Variants in KIF1B observed in about 807,000 individuals in gnomAD.
KIF1B encodes kinesin-like protein KIF1B.
Under a neutral mutation model 241.9 loss-of-function variants are expected in KIF1B, and 76 were observed. The ratio of observed to expected loss-of-function variants is 0.31; its 90% CI spans 0.26 to 0.38. The LOEUF (loss-of-function observed/expected upper bound fraction) is 0.38, where lower values mean the gene tolerates loss of function less well. KIF1B is among the 10% of genes least tolerant of loss of function. KIF1B has a pLI of 1.00. For synonymous variants in KIF1B, 750 were observed against 796.7 expected, an observed-to-expected ratio of 0.94 and a Z score of 0.99; for missense variants, 1,622 against 2,271.4, an observed-to-expected ratio of 0.71 and a Z score of 5.81.
intron 22 of KIF1B, among the ~76,000 whole-genome samples, chr1:10,315,292 C>G (rs1300903681): frequency 1.3e-5 from 2 of 150,286 alleles, no homozygotes; most frequent in African/African-American, 5.0e-5. Context: ...ATTCTCCCGC[C>G]TCAGCCTCCC....
chr1:10,324,745 G>A lies in KIF1B; in HGVS notation c.2538-13G>A. 1 of 1,613,274 alleles carries A rather than the reference G, an allele frequency of 6.2e-7. No homozygotes were observed. The highest frequency in any genetic ancestry group is 2.2e-5 in the East Asian group (1 of 44,854). On this transcript the variant is annotated splice_polypyrimidine_tract_variant and intron_variant, in intron 25 of 48. Transcript: ENST00000676179. ...ATTATATTAACCCAATGTGCTTTGT[G>A]TTTACTAAATAGGCAGAGGCTGGAT...
intron 45 of KIF1B, 121 bp downstream of exon 45, chr1:10,371,383 T>C: frequency 8.3e-7 from 1 of 1,201,942 alleles, no homozygotes; most frequent in Non-Finnish European, 1.2e-6. Context: ...CATTTGGAAA[T>C]GTGTGGGAGC....
At position 10,377,465 on chromosome 1, in the gene KIF1B, C is replaced by T. The variant is rs1187134092; in HGVS notation, c.*878C>T. The T allele has an allele frequency of 8.8e-6, 2 of 226,742 alleles. No homozygotes were observed. Among genetic ancestry groups the T allele is most frequent in the Non-Finnish European group, 1.8e-5 (2 of 114,060 alleles). 14.0% of individuals were successfully genotyped at this position (226,742 alleles called of 1,614,324 possible). ...TAGCTCCTCACAGCAGGATTCCTGC[C>T]CACTGTTTTTTCTCTGTTGGGAGGG... On this transcript the variant is annotated 3_prime_UTR_variant, in exon 49 of 49. Coordinates refer to ENST00000676179, the MANE Select transcript of KIF1B (RefSeq NM_001365951.3).
intron 2 of KIF1B, among the ~76,000 whole-genome samples, chr1:10,251,918 A>G (rs1374119896): frequency 6.6e-6 from 1 of 151,966 alleles, no homozygotes; most frequent in Non-Finnish European, 1.5e-5. Flanking sequence ...GAGCTACCGA[A>G]ACCTAGAATC....
rs570479803 is a variant in KIF1B at position 10,337,054 on chromosome 1, T to C, written c.3130-20T>C. 40 of 1,614,184 alleles carry C rather than the reference T, an allele frequency of 2.5e-5. No homozygotes were observed. In the East Asian group the frequency reaches 8.7e-4, roughly 35 times the overall value. ...TTTTTATACTACTTTACCATGTATC[T>C]GCCCCTGCCTTTTTTTCAGAGTGAC... On this transcript the variant is annotated intron_variant, in intron 29 of 48. Coordinates refer to ENST00000676179, the MANE Select transcript of KIF1B (RefSeq NM_001365951.3). This position sits in a 1 kb window ranked among gnomAD's most constrained non-coding sequence, Gnocchi z 4.0.
intron 2 of KIF1B, 94 bp downstream of exon 2, chr1:10,232,528 A>C: frequency 4.6e-6 from 4 of 875,262 alleles, no homozygotes; most frequent in Non-Finnish European, 7.5e-6. Flanking sequence ...GAACATCTGT[A>C]TGTTAACACT....
chr1:10,229,790 G>A (rs1646954737), intron 1 of KIF1B, among the ~76,000 whole-genome samples: 1 of 149,448 alleles, frequency 6.7e-6, no homozygotes, highest in Non-Finnish European at 1.5e-5. Context: ...GAACCTGGGA[G>A]GCGGAGTTTG....
chr1:10,354,374 A>G (rs11576866), intron 38 of KIF1B, among the ~76,000 whole-genome samples: 36,600 of 152,122 alleles, frequency 0.24, 5,123 homozygotes, highest in Admixed American at 0.31. Context: ...TTCATCATCT[A>G]TGACTTTCAG....
intron 45 of KIF1B, among the ~76,000 whole-genome samples, chr1:10,371,903 T>C (rs1638743428): frequency 6.6e-6 from 1 of 152,062 alleles, no homozygotes; most frequent in African/African-American, 2.4e-5. Context: ...ACCACTGCAT[T>C]CCACCCTGGG....
In KIF1B at chr1:10,380,774, C is replaced by CT. The variant is rs1569944391; in HGVS notation, c.*4188dup. 2 of 218,146 alleles carry CT rather than the reference C, an allele frequency of 9.2e-6. No homozygotes were observed. Among genetic ancestry groups the CT allele is most frequent in the East Asian group, 6.8e-5 (1 of 14,724 alleles). 13.5% of individuals were successfully genotyped at this position (218,146 alleles called of 1,614,324 possible). On this transcript the variant is annotated 3_prime_UTR_variant, in exon 49 of 49. Transcript: ENST00000676179. The stretch of plus-strand genomic sequence containing the variant: ...TTGCTGGATGTGTTTACATAGGACT[C>CT]TAACTTGTGTGCACTACAGTTGTTC...
chr1:10,231,288 C>T (rs1000099879), intron 1 of KIF1B, among the ~76,000 whole-genome samples: 58 of 150,756 alleles, frequency 3.8e-4, no homozygotes, highest in African/African-American at 1.4e-3. Context: ...TAGAAAGTGT[C>T]TTTGTCCTTT....
intron 16 of KIF1B, among the ~76,000 whole-genome samples, 180 bp downstream of exon 16, chr1:10,291,341 C>G (rs563309793): frequency 6.6e-6 from 1 of 152,244 alleles, no homozygotes; most frequent in Non-Finnish European, 1.5e-5. Flanking sequence ...GAAATGACAT[C>G]TACATATTTA....
At chr1:10,215,168 ATATATTTTTTT>A (rs1233330684) in intron 1 of KIF1B, among the ~76,000 whole-genome samples, 4 of 53,842 alleles carry the variant, frequency 7.4e-5, no homozygotes, top group African/African-American at 4.3e-4. Context: ...ATATATATAT[ATATATTTTTTT>A]TTTTTTTTTT....
Position 10,288,245 on chromosome 1 carries a change from C to T in KIF1B, c.1435-2837C>T, listed in dbSNP as rs141146968. 2.5e-3 allele frequency among the ~76,000 whole-genome samples: 387 copies of T among 152,250 alleles called. 1 individual carries two copies. The highest frequency in any genetic ancestry group is 3.9e-3 in the Non-Finnish European group (266 of 68,014). ...CAGTCATAGCTCACTTATGCAGAAG[C>T]GTTTAACACCACTCTTAGTGGTTGT... On this transcript the variant is annotated intron_variant, in intron 15 of 48. Transcript: ENST00000676179.
intron 5 of KIF1B, among the ~76,000 whole-genome samples, chr1:10,263,174 C>T (rs1648244363): frequency 6.6e-6 from 1 of 151,744 alleles, no homozygotes; most frequent in Admixed American, 6.6e-5. Flanking sequence ...ATCCCAGCTA[C>T]TCGGGAGGCT....
chr1:10,326,145 C>G lies in KIF1B; in HGVS notation c.2710C>G (p.Leu904Val). The G allele has an allele frequency of 6.2e-7, 1 of 1,614,134 alleles. No individual in the cohort carries two copies. The highest frequency in any genetic ancestry group is 1.7e-4 in the Middle Eastern group (1 of 6,060). Reference protein sequence around the residue: ...PIFHGCVNERLADRTPSPTFS... With the variant: ...PIFHGCVNERVADRTPSPTFS... ...TTTCCACGGCTGTGTGAACGAGCGC[C>G]TTGCCGACCGCACACCCTCCCCCAC... The change falls in exon 27 of 49, where the codon CTT becomes GTT. Residue 904 changes from leucine to valine, a missense_variant. Coordinates refer to ENST00000676179, the MANE Select transcript of KIF1B (RefSeq NM_001365951.3). The surrounding 1 kb of genome is among the most constrained non-coding windows in gnomAD (Gnocchi z 5.2).
chr1:10,241,594 A>G (rs1647137448), intron 2 of KIF1B, among the ~76,000 whole-genome samples: 1 of 152,206 alleles, frequency 6.6e-6, no homozygotes. Context: ...TAAGAGAAGT[A>G]CTGGAAAAAA....
intron 35 of KIF1B, among the ~76,000 whole-genome samples, chr1:10,347,477 C>A (rs1462905474): frequency 6.6e-6 from 1 of 152,186 alleles, no homozygotes; most frequent in Non-Finnish European, 1.5e-5. Flanking sequence ...TGTTTCTTAT[C>A]TCCTGTCAAT....
At chr1:10,355,626 T>TA (rs1206227166) in intron 38 of KIF1B, among the ~76,000 whole-genome samples, 1 of 152,224 alleles carries the variant, frequency 6.6e-6, no homozygotes, top group African/African-American at 2.4e-5. Context: ...GTTTTATTCT[T>TA]AGACTCTTTC....
Sources: gnomAD v4.1 joint callset for allele counts (sites outside exome capture counted in the v4.1 genomes callset) on GRCh38, gnomAD v4.1.1 for gene constraint, Gnocchi (gnomAD v3.1) non-coding constraint, MANE v1.5 for transcripts, NCBI Gene and HGNC (gene_info 2026-07-23, HGNC 2026-07-21) for gene names.